Variants in MYO1D observed in about 807,000 individuals in gnomAD.
MYO1D encodes myosin ID.
A neutral mutation model predicts 122.0 loss-of-function variants in MYO1D; 83 were observed. The observed-to-expected ratio is 0.68, with a 90% CI of 0.57 to 0.82. The LOEUF (loss-of-function observed/expected upper bound fraction) is 0.82, where lower values mean the gene tolerates loss of function less well. Ranked by LOEUF, MYO1D falls within the 40% of genes least tolerant of loss-of-function variation. MYO1D has a pLI of 0.00. For synonymous variants in MYO1D, 464 were observed against 446.9 expected (o/e 1.04, Z -0.48); for missense variants, 1,157 against 1,269.5 (o/e 0.91, Z 1.35).
At chr17:32,564,460 G>T (rs568346010) in intron 21 of MYO1D, among the ~76,000 whole-genome samples, 3 of 152,302 alleles carry the variant, frequency 2.0e-5, no homozygotes, top group Admixed American at 2.0e-4. Context: ...AGTCAGTGCT[G>T]GAGCATAGTG....
At chr17:32,684,597 T>G (rs556526445) in intron 16 of MYO1D, among the ~76,000 whole-genome samples, 105 of 152,164 alleles carry the variant, frequency 6.9e-4, no homozygotes, top group African/African-American at 2.5e-3. Context: ...TCAGTAACCT[T>G]AGGGTATAAG....
At position 32,772,785 on chromosome 17, in the gene MYO1D, T is replaced by C; in HGVS notation, c.618+4A>G. On this transcript the variant is annotated splice_donor_region_variant and intron_variant, in intron 5 of 21. Coordinates refer to ENST00000318217, the MANE Select transcript of MYO1D (RefSeq NM_015194.3). ...ATCAATTATCTGTATAATGGATTAC[T>C]AACCTGATAGAAAGAATGAAAGCTT... The C allele has an allele frequency of 6.2e-7, 1 of 1,605,664 alleles. No individual in the cohort carries two copies. Among genetic ancestry groups the C allele is most frequent in the Non-Finnish European group, 8.5e-7 (1 of 1,172,290 alleles).
chr17:32,771,094 A>T, intron 6 of MYO1D, 31 bp downstream of exon 6: 2 of 1,499,234 alleles, frequency 1.3e-6, no homozygotes, highest in Non-Finnish European at 1.9e-6. Flanking sequence ...CTGATTTTCT[A>T]TTGGAGCAAT....
intron 1 of MYO1D, among the ~76,000 whole-genome samples, chr17:32,866,117 A>G (rs1174329322): frequency 6.6e-6 from 1 of 152,080 alleles, no homozygotes; most frequent in Non-Finnish European, 1.5e-5. Flanking sequence ...CATAGGCTTG[A>G]GCAATCCTCC....
chr17:32,524,856 T>C (rs540547909), intron 21 of MYO1D, among the ~76,000 whole-genome samples: 1 of 152,178 alleles, frequency 6.6e-6, no homozygotes, highest in Non-Finnish European at 1.5e-5. Context: ...CCACTGCGCC[T>C]GGCCTTGACT....
At chr17:32,513,954 AT>A (rs1567872748) in intron 21 of MYO1D, among the ~76,000 whole-genome samples, 2 of 151,788 alleles carry the variant, frequency 1.3e-5, no homozygotes, top group African/African-American at 4.8e-5. Flanking sequence ...AATTAAAAAA[AT>A]TTTTTTGGCC....
At chr17:32,671,448 C>G (rs530837378) in intron 16 of MYO1D, among the ~76,000 whole-genome samples, 4 of 152,328 alleles carry the variant, frequency 2.6e-5, no homozygotes, top group Admixed American at 2.6e-4. Flanking sequence ...CATTTGGGCG[C>G]TGGGGCGAAA....
At chr17:32,789,849 G>T (rs1459539031) in intron 1 of MYO1D, among the ~76,000 whole-genome samples, 1 of 152,226 alleles carries the variant, frequency 6.6e-6, no homozygotes, top group East Asian at 1.9e-4. Flanking sequence ...CGGTTTTGGG[G>T]GGTATTGCTC....
At chr17:32,840,212 C>T (rs1296075671) in intron 1 of MYO1D, among the ~76,000 whole-genome samples, 2 of 152,182 alleles carry the variant, frequency 1.3e-5, no homozygotes, top group Non-Finnish European at 2.9e-5. Flanking sequence ...GTTACTGGCG[C>T]ACACTGGAGA....
rs186618646 is a variant in MYO1D at position 32,776,733 on chromosome 17, T to C, written c.399-704A>G. 3.2e-3 allele frequency among the ~76,000 whole-genome samples: 487 copies of C among 152,340 alleles called. 2 individuals are homozygous for C. The highest frequency in any genetic ancestry group is 0.01 in the African/African-American group (421 of 41,576). Reference sequence around the variant, plus strand: ...CTAGTTCAGAAATTGCTCATTATTTTCTTTGAAGCTGTATGGAATTTCTCC... The same window carrying C: ...CTAGTTCAGAAATTGCTCATTATTTCCTTTGAAGCTGTATGGAATTTCTCC... On this transcript the variant is annotated intron_variant, in intron 3 of 21. Transcript: ENST00000318217.
intron 15 of MYO1D, among the ~76,000 whole-genome samples, chr17:32,720,168 CAG>C (rs2089494061): frequency 6.6e-6 from 1 of 152,016 alleles, no homozygotes; most frequent in Admixed American, 6.6e-5. Context: ...TGTTTTAAAA[CAG>C]ATGGAATTTA....
chr17:32,757,608 A>T (rs1440323852), intron 10 of MYO1D, among the ~76,000 whole-genome samples: 1 of 152,152 alleles, frequency 6.6e-6, no homozygotes, highest in Admixed American at 6.6e-5. Flanking sequence ...CAGGAGCTCT[A>T]TATTAATAGT....
chr17:32,747,428 A>T (rs2089849104), intron 12 of MYO1D, among the ~76,000 whole-genome samples: 1 of 152,192 alleles, frequency 6.6e-6, no homozygotes, highest in African/African-American at 2.4e-5. Flanking sequence ...AATTCCCTGG[A>T]ACCTGGGAAT....
chr17:32,687,362 A>G lies in MYO1D; in HGVS notation c.2121+24626T>C, dbSNP rs928129529. Among the ~76,000 whole-genome samples the G allele has an allele frequency of 6.6e-5, 10 of 152,122 alleles. No homozygotes were observed. The East Asian group carries it at 1.9e-3, about 29-fold the overall frequency. ...CAGGCACCTGCCACCACGCCCGGCT[A>G]ATTTTTTGTATTTTTCAGTGGAGAC... is the stretch of plus-strand genomic sequence containing the variant. On this transcript the variant is annotated intron_variant, in intron 16 of 21. Transcript: ENST00000318217.
intron 1 of MYO1D, among the ~76,000 whole-genome samples, chr17:32,822,756 G>A (rs1256190446): frequency 6.6e-6 from 1 of 151,488 alleles, no homozygotes; most frequent in South Asian, 2.1e-4. Context: ...AGCAGGCGGC[G>A]AGGCCCGGGG....
At chr17:32,521,412 A>T (rs572791248) in intron 21 of MYO1D, among the ~76,000 whole-genome samples, 1 of 152,194 alleles carries the variant, frequency 6.6e-6, no homozygotes, top group South Asian at 2.1e-4. Context: ...AGGCCTGTAA[A>T]TTCCCGCATA....
In MYO1D at chr17:32,659,183, GT is replaced by G. The variant is rs1567934481; in HGVS notation, c.2276del (p.His759ProfsTer2). 6.2e-7 allele frequency: 1 copy of G among 1,614,176 alleles called. No homozygotes were observed. The highest frequency in any genetic ancestry group is 1.7e-5 in the Admixed American group (1 of 60,018). On this transcript the variant is annotated frameshift_variant, in exon 17 of 22. Coordinates refer to ENST00000318217, the MANE Select transcript of MYO1D (RefSeq NM_015194.3). LOFTEE classifies it high-confidence loss of function. ...CTTTAGGAGGGCTTGGCCACTTCAC[GT>G]GCTTCCCGTAGTCTCGCATGGTCTT... ...GVKTMRDYGK[H>X]VKWPSPPKVL...
chr17:32,717,863 C>T (rs751365849), intron 15 of MYO1D, among the ~76,000 whole-genome samples: 5 of 152,050 alleles, frequency 3.3e-5, no homozygotes, highest in Non-Finnish European at 4.4e-5. Flanking sequence ...TCAGTGTATC[C>T]TTTTAATCTG....
chr17:32,591,789 CATAGGGA>C (rs993966006), intron 21 of MYO1D, among the ~76,000 whole-genome samples: 48 of 152,278 alleles, frequency 3.2e-4, no homozygotes, highest in African/African-American at 1.1e-3. Context: ...CAAGCTTGAG[CATAGGGA>C]TCACCTGGGT....
Sources: allele counts gnomAD v4.1 joint callset (sites outside exome capture counted in the v4.1 genomes callset), GRCh38; gene constraint gnomAD v4.1.1; transcripts MANE v1.5; gene names NCBI Gene and HGNC (gene_info 2026-07-23, HGNC 2026-07-21).